AGMO: variants seen among roughly 807,000 people sequenced by gnomAD.
AGMO encodes alkylglycerol monooxygenase.
AGMO carries 75 observed loss-of-function variants against 60.2 expected under a neutral mutation model. The observed-to-expected ratio is 1.25, with a 90% CI of 1.03 to 1.51. The LOEUF is 1.51. AGMO is among the 40% of genes most tolerant of loss of function. AGMO has a pLI of 0.00. For missense variants in AGMO, 763 were observed against 525.5 expected, an observed-to-expected ratio of 1.45 and a Z score of -4.42; for synonymous variants, 261 against 177.1, an observed-to-expected ratio of 1.47 and a Z score of -3.76.
intron 9 of AGMO, 109 bp from the exon 10 acceptor site, chr7:15,385,671 AG>A (rs1783882975): frequency 5.7e-6 from 4 of 704,188 alleles, no homozygotes; most frequent in South Asian, 5.0e-5. Flanking sequence ...TTTTAAAAAA[AG>A]ACAAACATAA....
At chr7:15,208,402 C>T (rs1196752919) in intron 12 of AGMO, among the ~76,000 whole-genome samples, 2 of 152,116 alleles carry the variant, frequency 1.3e-5, no homozygotes, top group African/African-American at 4.8e-5. Context: ...CTCTGGTGCT[C>T]ACCATGGAAC....
At chr7:15,121,801 C>T in the AGMO span, among the ~76,000 whole-genome samples, 1 of 152,086 alleles carries the variant, frequency 6.6e-6, no homozygotes, top group African/African-American at 2.4e-5. Context: ...CTGACAAAAA[C>T]AAGCAACGGG....
intron 12 of AGMO, among the ~76,000 whole-genome samples, chr7:15,297,148 A>G (rs1784428532): frequency 6.6e-6 from 1 of 152,134 alleles, no homozygotes; most frequent in African/African-American, 2.4e-5. Flanking sequence ...GAGAATTCCA[A>G]TTAACCTATC....
At position 15,551,958 on chromosome 7, in the gene AGMO, G is replaced by T. The variant is rs1449415022; in HGVS notation, c.258-7035C>A. Among the ~76,000 whole-genome samples the T allele has an allele frequency of 2.6e-5, 4 of 151,638 alleles. No homozygotes were observed. The South Asian group carries it at 8.3e-4, about 32-fold the overall frequency. On this transcript the variant is annotated intron_variant, in intron 2 of 12. Transcript: ENST00000342526. ...CAGTAACCAAAACAGCATGGTACTG[G>T]TACCAAAACAGAGATATAGATCAAT...
At chr7:15,410,223 A>G (rs1005431862) in intron 5 of AGMO, among the ~76,000 whole-genome samples, 3 of 151,770 alleles carry the variant, frequency 2.0e-5, no homozygotes, top group African/African-American at 4.8e-5. Flanking sequence ...TATTATGTAC[A>G]TAAGACTAGG....
chr7:15,350,805 T>G (rs1306057706), intron 12 of AGMO, among the ~76,000 whole-genome samples: 1 of 152,180 alleles, frequency 6.6e-6, no homozygotes, highest in Non-Finnish European at 1.5e-5. Context: ...TTTCATTATT[T>G]TATCTTAATA....
the AGMO span, among the ~76,000 whole-genome samples, chr7:15,137,627 T>A: frequency 1.3e-5 from 2 of 152,258 alleles, no homozygotes; most frequent in Non-Finnish European, 2.9e-5. Flanking sequence ...AGATGGAAGA[T>A]AATGGATGGG....
chr7:15,269,764 C>T (rs1451200407), intron 12 of AGMO, among the ~76,000 whole-genome samples: 2 of 151,930 alleles, frequency 1.3e-5, no homozygotes, highest in South Asian at 2.1e-4. Flanking sequence ...CCCTCTCATA[C>T]CCTACTCCCA....
chr7:15,466,096 A>C (rs907859025), intron 3 of AGMO, among the ~76,000 whole-genome samples: 8 of 152,158 alleles, frequency 5.3e-5, no homozygotes, highest in Non-Finnish European at 8.8e-5. Context: ...TATTTTTCTG[A>C]AGCCTACTCT....
chr7:15,153,145 T>C, the AGMO span, among the ~76,000 whole-genome samples: 56 of 152,008 alleles, frequency 3.7e-4, no homozygotes, highest in African/African-American at 9.6e-4. Context: ...CTTTTGAGAA[T>C]TGTCTATTCA....
At chr7:15,151,613 T>C in the AGMO span, among the ~76,000 whole-genome samples, 5 of 152,298 alleles carry the variant, frequency 3.3e-5, no homozygotes, top group South Asian at 8.3e-4. Flanking sequence ...AATTGTATGG[T>C]TTTGAGAAAT....
At chr7:15,292,012 A>C (rs1327218786) in intron 12 of AGMO, among the ~76,000 whole-genome samples, 1 of 152,214 alleles carries the variant, frequency 6.6e-6, no homozygotes, top group Non-Finnish European at 1.5e-5. Flanking sequence ...CAATAAAAGA[A>C]ATGCATTAAA....
At chr7:15,306,184 A>G (rs1583387097) in intron 12 of AGMO, 1 of 206,862 alleles carries the variant, frequency 4.8e-6, no homozygotes, top group Non-Finnish European at 9.9e-6. Flanking sequence ...CTCATCTTAA[A>G]TGGAATCAAA....
intron 12 of AGMO, among the ~76,000 whole-genome samples, chr7:15,322,778 A>C (rs996731872): frequency 7.3e-6 from 1 of 137,708 alleles, no homozygotes; most frequent in African/African-American, 2.7e-5. Flanking sequence ...AAATTATCAA[A>C]ACTCCTTTCC....
At chr7:15,317,931 A>C (rs1009750488) in intron 12 of AGMO, among the ~76,000 whole-genome samples, 1 of 141,324 alleles carries the variant, frequency 7.1e-6, no homozygotes, top group Admixed American at 7.4e-5. Context: ...ACACACGTAT[A>C]TATATATATA....
chr7:15,401,160 C>A (rs1418216199), intron 5 of AGMO, among the ~76,000 whole-genome samples: 4 of 152,040 alleles, frequency 2.6e-5, no homozygotes, highest in Non-Finnish European at 5.9e-5. Flanking sequence ...AAATGTAATT[C>A]TGTGTCTTGT....
intron 5 of AGMO, among the ~76,000 whole-genome samples, chr7:15,402,372 T>A (rs187334943): frequency 5.9e-5 from 9 of 151,742 alleles, no homozygotes; most frequent in Non-Finnish European, 1.0e-4. Flanking sequence ...TCTGTATCCA[T>A]CTATCTTATC....
intron 12 of AGMO, among the ~76,000 whole-genome samples, chr7:15,247,474 A>AGAGG (rs1782782291): frequency 6.7e-6 from 1 of 150,290 alleles, no homozygotes; most frequent in Non-Finnish European, 1.5e-5. Context: ...AGAGAGAGAG[A>AGAGG]GAGAGGGAGA....
intron 5 of AGMO, among the ~76,000 whole-genome samples, chr7:15,407,301 C>A (rs1222310348): frequency 6.9e-6 from 1 of 145,340 alleles, no homozygotes; most frequent in African/African-American, 2.5e-5. Flanking sequence ...ACTAGAAATG[C>A]ATACATGAAT....
Sources: gnomAD v4.1 joint callset for allele counts (sites outside exome capture counted in the v4.1 genomes callset) on GRCh38, gnomAD v4.1.1 for gene constraint, MANE v1.5 for transcripts, NCBI Gene and HGNC (gene_info 2026-07-23, HGNC 2026-07-21) for gene names.